TCERG1L: variants seen among roughly 807,000 people sequenced by gnomAD.
The protein encoded by TCERG1L is transcription elongation regulator 1 like, also known as transcription elongation regulator 1-like protein.
Under a neutral mutation model 56.3 loss-of-function variants are expected in TCERG1L, and 37 were observed. The observed-to-expected ratio is 0.66, with a 90% CI of 0.51 to 0.87. The LOEUF (loss-of-function observed/expected upper bound fraction) is 0.87. TCERG1L is among the 40% of genes least tolerant of loss of function. The pLI, the probability that TCERG1L is intolerant of heterozygous loss-of-function variation, is 0.00. For missense variants in TCERG1L, 799 were observed against 774.2 expected (o/e 1.03, Z -0.38); for synonymous variants, 324 against 326.3 (o/e 0.99, Z 0.08).
intron 11 of TCERG1L, chr10:131,095,326 G>C (rs1477376243): frequency 6.5e-6 from 1 of 153,406 alleles, no homozygotes; most frequent in African/African-American, 2.4e-5. Context: ...GAGGCGGGCA[G>C]GGCTGGGGCT....
chr10:131,254,397 T>A (rs1010799602), intron 4 of TCERG1L, among the ~76,000 whole-genome samples: 2 of 151,406 alleles, frequency 1.3e-5, no homozygotes, highest in Non-Finnish European at 2.9e-5. Context: ...GTTGCTAGGC[T>A]GGACTCCAAT....
At chr10:131,192,457 C>T (rs901547288) in intron 4 of TCERG1L, among the ~76,000 whole-genome samples, 1 of 144,084 alleles carries the variant, frequency 6.9e-6, no homozygotes, top group Non-Finnish European at 1.5e-5. Context: ...TATGGAGATT[C>T]CCAGATTCCT....
At chr10:131,138,477 C>G (rs1445248497) in intron 7 of TCERG1L, among the ~76,000 whole-genome samples, 1 of 152,146 alleles carries the variant, frequency 6.6e-6, no homozygotes, top group Non-Finnish European at 1.5e-5. Context: ...TGATTTCCAC[C>G]AAAGTTGCCC....
At chr10:131,183,582 C>G (rs2164946) in intron 4 of TCERG1L, among the ~76,000 whole-genome samples, 13,563 of 152,180 alleles carry the variant, frequency 0.089, 756 homozygotes, top group East Asian at 0.2. Context: ...CCAAATATCT[C>G]AGTTTTCAGG....
At chr10:131,299,778 A>C (rs1302636771) in intron 3 of TCERG1L, among the ~76,000 whole-genome samples, 1 of 152,150 alleles carries the variant, frequency 6.6e-6, no homozygotes, top group Non-Finnish European at 1.5e-5. Context: ...ACTATAGCAC[A>C]TAATGTATAG....
chr10:131,265,435 G>A (rs1437665714), intron 3 of TCERG1L, among the ~76,000 whole-genome samples: 1 of 152,160 alleles, frequency 6.6e-6, no homozygotes, highest in Non-Finnish European at 1.5e-5. Flanking sequence ...TTACATCATT[G>A]GTAGATGAGA....
chr10:131,145,979 G>A (rs946339837), intron 7 of TCERG1L, among the ~76,000 whole-genome samples: 5 of 152,212 alleles, frequency 3.3e-5, no homozygotes, highest in African/African-American at 1.2e-4. Flanking sequence ...GGCATTGTCA[G>A]AAACAACTGC....
At chr10:131,219,897 G>A (rs563068230) in intron 4 of TCERG1L, among the ~76,000 whole-genome samples, 1 of 152,270 alleles carries the variant, frequency 6.6e-6, no homozygotes, top group East Asian at 1.9e-4. Context: ...GCTCACCCTC[G>A]GATGAGCGTG....
chr10:131,256,994 A>AAGGAAGGAAGGAAAGG (rs1554897149), intron 4 of TCERG1L, among the ~76,000 whole-genome samples: 3 of 69,080 alleles, frequency 4.3e-5, no homozygotes, highest in Admixed American at 1.5e-4. Flanking sequence ...GGAAGGAAGG[A>AAGGAAGGAAGGAAAGG]AAGAAAGAAA....
intron 4 of TCERG1L, among the ~76,000 whole-genome samples, chr10:131,235,994 G>A (rs1845908157): frequency 6.6e-6 from 1 of 152,162 alleles, no homozygotes; most frequent in South Asian, 2.1e-4. Flanking sequence ...TGCAAACAGT[G>A]CCCGCTACAT....
chr10:131,232,830 C>G (rs1160648988), intron 4 of TCERG1L, among the ~76,000 whole-genome samples: 1 of 152,134 alleles, frequency 6.6e-6, no homozygotes, highest in African/African-American at 2.4e-5. Flanking sequence ...CTGAAAGCTC[C>G]CCCCAACCCC....
chr10:131,290,631 C>CAAAA (rs3040427), intron 3 of TCERG1L, among the ~76,000 whole-genome samples: 1 of 97,522 alleles, frequency 1.0e-5, no homozygotes, highest in Non-Finnish European at 2.0e-5. Context: ...AACCCCATCT[C>CAAAA]AAAAAAAAAA....
chr10:131,271,257 G>A (rs925509275), intron 3 of TCERG1L, among the ~76,000 whole-genome samples: 1 of 152,218 alleles, frequency 6.6e-6, no homozygotes, highest in Non-Finnish European at 1.5e-5. Context: ...CGGTGCAGTG[G>A]CAGGTGGCTC....
chr10:131,216,794 G>A (rs369795999), intron 4 of TCERG1L, among the ~76,000 whole-genome samples: 5 of 152,194 alleles, frequency 3.3e-5, no homozygotes, highest in South Asian at 4.1e-4. Context: ...ATGGGAGTGG[G>A]GTGCACACAG....
chr10:131,265,723 A>C (rs889321499), intron 3 of TCERG1L, among the ~76,000 whole-genome samples: 2 of 152,232 alleles, frequency 1.3e-5, no homozygotes, highest in African/African-American at 4.8e-5. Flanking sequence ...TACATCCCTA[A>C]ATTTAAAAAT....
chr10:131,300,581 C>T (rs1043711159), intron 3 of TCERG1L, among the ~76,000 whole-genome samples: 7 of 152,082 alleles, frequency 4.6e-5, no homozygotes, highest in Non-Finnish European at 1.0e-4. Flanking sequence ...ATTTTTATAT[C>T]GCTGATGAAA....
chr10:131,185,509 A>C (rs1370837389), intron 4 of TCERG1L, among the ~76,000 whole-genome samples: 1 of 152,258 alleles, frequency 6.6e-6, no homozygotes, highest in Non-Finnish European at 1.5e-5. Context: ...TCTGGTATCC[A>C]GAATATGCAA....
At chr10:131,159,815 C>T (rs1290627548) in intron 6 of TCERG1L, among the ~76,000 whole-genome samples, 4 of 152,150 alleles carry the variant, frequency 2.6e-5, no homozygotes, top group East Asian at 1.9e-4. Context: ...GCACACAAAG[C>T]CCTCCTTGAC....
chr10:131,125,162 A>G lies in TCERG1L; in HGVS notation c.1260-8228T>C, dbSNP rs559393586. Reference sequence around the variant, plus strand: ...GGTGAGGAAGATGGTGGTGGTGGTGATGATGATGATGATATAGTGACAATG... The same window carrying G: ...GGTGAGGAAGATGGTGGTGGTGGTGGTGATGATGATGATATAGTGACAATG... On this transcript the variant is annotated intron_variant, in intron 8 of 11. Transcript: ENST00000368642. Among the ~76,000 whole-genome samples, 11 of 151,998 alleles carry G rather than the reference A, an allele frequency of 7.2e-5. No homozygotes were observed. The East Asian group carries it at 1.7e-3, about 24-fold the overall frequency.
Sources: gnomAD v4.1 joint callset for allele counts (sites outside exome capture counted in the v4.1 genomes callset) on GRCh38, gnomAD v4.1.1 for gene constraint, MANE v1.5 for transcripts, NCBI Gene and HGNC (gene_info 2026-07-23, HGNC 2026-07-21) for gene names.